NTRK3: variants seen among roughly 807,000 people sequenced by gnomAD.
The protein encoded by NTRK3 is neurotrophic receptor tyrosine kinase 3.
A neutral mutation model predicts 91.7 loss-of-function variants in NTRK3; 24 were observed. The observed-to-expected ratio is 0.26, with a 90% CI of 0.19 to 0.37. NTRK3 has a LOEUF of 0.37. Among genes scored for constraint, NTRK3 ranks in the 10% least tolerant of loss-of-function variants. The pLI is 1.00. For missense variants in NTRK3, 880 were observed against 1,068.9 expected, an observed-to-expected ratio of 0.82 and a Z score of 2.46; for synonymous variants, 483 against 404.0, an observed-to-expected ratio of 1.20 and a Z score of -2.34.
At chr15:88,184,778 G>A (rs1455448627) in intron 3 of NTRK3, among the ~76,000 whole-genome samples, 1 of 152,150 alleles carries the variant, frequency 6.6e-6, no homozygotes, top group Non-Finnish European at 1.5e-5. Context: ...AGCCAAGGAG[G>A]GACACACTCC....
intron 5 of NTRK3, among the ~76,000 whole-genome samples, chr15:88,149,267 C>T (rs2043162932): frequency 6.6e-6 from 1 of 152,164 alleles, no homozygotes; most frequent in South Asian, 2.1e-4. Context: ...TGGCTAGGTC[C>T]CTGAGATGGC....
chr15:87,860,748 TCCA>T (rs2141368221), exon 19 of NTRK3: 1 of 210,798 alleles, frequency 4.7e-6, no homozygotes, highest in Non-Finnish European at 9.6e-6. Context: ...AACTTTGGGA[TCCA>T]AATGATAGGA....
chr15:87,992,747 C>A (rs1414785457), intron 14 of NTRK3, among the ~76,000 whole-genome samples: 1 of 152,198 alleles, frequency 6.6e-6, no homozygotes, highest in African/African-American at 2.4e-5. Flanking sequence ...TGCCAAGTTG[C>A]CCTGTTAATG....
chr15:88,252,221 G>A (rs867762922), intron 3 of NTRK3, among the ~76,000 whole-genome samples: 7 of 152,270 alleles, frequency 4.6e-5, no homozygotes, highest in Middle Eastern at 3.4e-3. Context: ...CCTACCGAGA[G>A]TGAGCCCCAT....
intron 14 of NTRK3, among the ~76,000 whole-genome samples, chr15:87,971,168 T>C (rs1246226391): frequency 6.6e-6 from 1 of 152,182 alleles, no homozygotes; most frequent in Non-Finnish European, 1.5e-5. Flanking sequence ...TCTCAGAATA[T>C]GTTCTATATT....
At chr15:87,984,928 G>T (rs1005781214) in intron 14 of NTRK3, among the ~76,000 whole-genome samples, 1 of 152,000 alleles carries the variant, frequency 6.6e-6, no homozygotes, top group East Asian at 1.9e-4. Flanking sequence ...TACCTACATG[G>T]CTTGTCTTTG....
At chr15:88,028,862 T>G (rs897916164) in intron 14 of NTRK3, among the ~76,000 whole-genome samples, 37 of 152,044 alleles carry the variant, frequency 2.4e-4, no homozygotes, top group Admixed American at 2.2e-3. Flanking sequence ...TCAACTGGCT[T>G]ATGGGAAAAG....
chr15:87,972,081 C>A (rs2073306169), intron 14 of NTRK3, among the ~76,000 whole-genome samples: 1 of 152,228 alleles, frequency 6.6e-6, no homozygotes, highest in Non-Finnish European at 1.5e-5. Context: ...TTTGCCAAGG[C>A]TAAGTCCTTG....
At chr15:87,956,972 C>T (rs2071731483) in intron 14 of NTRK3, among the ~76,000 whole-genome samples, 1 of 152,146 alleles carries the variant, frequency 6.6e-6, no homozygotes, top group South Asian at 2.1e-4. Context: ...GTGACTAAGA[C>T]ATCTCTGCAC....
chr15:88,052,653 A>C (rs2142315207), intron 13 of NTRK3, among the ~76,000 whole-genome samples: 1 of 152,344 alleles, frequency 6.6e-6, no homozygotes, highest in Admixed American at 6.5e-5. Context: ...ATTTATTATA[A>C]TAGTGAGCTA....
chr15:88,242,790 A>G (rs989072827), intron 3 of NTRK3, among the ~76,000 whole-genome samples: 2 of 152,220 alleles, frequency 1.3e-5, no homozygotes, highest in Non-Finnish European at 2.9e-5. Context: ...TTTGGCAAAC[A>G]GCAAGGCAGG....
intron 17 of NTRK3, 34 bp downstream of exon 17, chr15:87,929,157 T>G: frequency 6.2e-7 from 1 of 1,614,146 alleles, no homozygotes; most frequent in Middle Eastern, 1.6e-4. Context: ...GCTAGCTCTG[T>G]GGCTGAGTCC....
At chr15:88,212,185 G>A (rs970374495) in intron 3 of NTRK3, among the ~76,000 whole-genome samples, 1 of 152,076 alleles carries the variant, frequency 6.6e-6, no homozygotes, top group Admixed American at 6.5e-5. Flanking sequence ...TGGCTAACAC[G>A]GTGAAACCCC....
chr15:87,925,591 TAGAG>T (rs2068235095), intron 17 of NTRK3: 1 of 212,232 alleles, frequency 4.7e-6, no homozygotes, highest in African/African-American at 2.3e-5. Context: ...TATCAGCTCA[TAGAG>T]AGAATCCTTC....
intron 17 of NTRK3, chr15:87,926,697 T>C (rs575336839): frequency 6.6e-6 from 1 of 152,388 alleles, no homozygotes; most frequent in Admixed American, 6.5e-5. Context: ...TTTTCCTCTT[T>C]TAAACTAGTT....
At chr15:88,142,423 T>C (rs369177236) in intron 6 of NTRK3, among the ~76,000 whole-genome samples, 1 of 152,356 alleles carries the variant, frequency 6.6e-6, no homozygotes, top group East Asian at 1.9e-4. Context: ...CTCAGCCCCA[T>C]CTGAGTTTGT....
chr15:88,175,381 T>TAG (rs10692744), intron 5 of NTRK3, among the ~76,000 whole-genome samples: 40,972 of 149,616 alleles, frequency 0.27, 5,836 homozygotes, highest in African/African-American at 0.38. Context: ...CACAGAGAGA[T>TAG]AGAGAGAGAG....
chr15:88,153,610 T>C (rs367928754), intron 5 of NTRK3, among the ~76,000 whole-genome samples: 5 of 152,168 alleles, frequency 3.3e-5, no homozygotes, highest in East Asian at 3.8e-4. Flanking sequence ...AATCCATTCA[T>C]GGTGCTATAA....
At chr15:87,881,395 T>C (rs2065237805) in intron 17 of NTRK3, among the ~76,000 whole-genome samples, 1 of 142,994 alleles carries the variant, frequency 7.0e-6, no homozygotes, top group South Asian at 2.4e-4. Context: ...AAAGTTCTCA[T>C]TTCCTTCTTT....
Sources: allele counts gnomAD v4.1 joint callset (sites outside exome capture counted in the v4.1 genomes callset), GRCh38; gene constraint gnomAD v4.1.1; transcripts MANE v1.5; gene names NCBI Gene and HGNC (gene_info 2026-07-23, HGNC 2026-07-21).